KIAA1217: variants seen among roughly 807,000 people sequenced by gnomAD.
KIAA1217 encodes KIAA1217, also known as sickle tail protein homolog.
Under a neutral mutation model 163.9 loss-of-function variants are expected in KIAA1217, and 88 were observed. That is an observed-to-expected ratio of 0.54 (90% CI 0.45 to 0.64). The LOEUF (loss-of-function observed/expected upper bound fraction) is 0.64, where lower values mean the gene tolerates loss of function less well. Ranked by LOEUF, KIAA1217 falls within the 30% of genes least tolerant of loss-of-function variation. KIAA1217 has a pLI of 0.00. For missense variants in KIAA1217, 2,372 were observed against 2,475.0 expected (o/e 0.96, Z 0.88); for synonymous variants, 903 against 923.1 (o/e 0.98, Z 0.39).
chr10:24,066,820 T>A (rs893713713), intron 2 of KIAA1217, among the ~76,000 whole-genome samples: 4 of 152,214 alleles, frequency 2.6e-5, no homozygotes, highest in African/African-American at 7.2e-5. Flanking sequence ...AGTCCCATAT[T>A]TCTTGGAGGC....
intron 2 of KIAA1217, among the ~76,000 whole-genome samples, chr10:24,256,046 C>CAAAA (rs11358712): frequency 1.3e-5 from 1 of 79,098 alleles, no homozygotes; most frequent in African/African-American, 5.0e-5. Flanking sequence ...CTCAGATGAC[C>CAAAA]AAAAAAAAAA....
intron 2 of KIAA1217, among the ~76,000 whole-genome samples, chr10:24,092,329 C>T (rs1032880271): frequency 6.6e-6 from 1 of 151,772 alleles, no homozygotes; most frequent in African/African-American, 2.4e-5. Context: ...ATCCTACCAC[C>T]TCACCAAACT....
In KIAA1217 at chr10:24,520,655, T is replaced by TATATAC. The variant is rs1223530074; in HGVS notation, c.2308+407_2308+408insCATATA. The stretch of plus-strand genomic sequence containing the variant: ...AAAAAAAAAAAAAAAAAAAAAAATA[T>TATATAC]ATATATATATATATATATATACACA... On this transcript the variant is annotated intron_variant, in intron 11 of 20. Transcript: ENST00000376454. Among the ~76,000 whole-genome samples, 67 of 82,110 alleles carry TATATAC rather than the reference T, an allele frequency of 8.2e-4. 1 individual carries two copies. Among genetic ancestry groups the TATATAC allele is most frequent in the Non-Finnish European group, 1.2e-3 (58 of 46,498 alleles). 53.9% of individuals were successfully genotyped at this position (82,110 alleles called of 152,430 possible).
chr10:23,932,972 T>C (rs1249068919), intron 1 of KIAA1217, among the ~76,000 whole-genome samples: 4 of 152,226 alleles, frequency 2.6e-5, no homozygotes, highest in Admixed American at 2.0e-4. Context: ...GTAAATTGAA[T>C]ACCATAAGAA....
chr10:23,809,338 A>G (rs1836881349), intron 1 of KIAA1217, among the ~76,000 whole-genome samples: 1 of 152,034 alleles, frequency 6.6e-6, no homozygotes, highest in Non-Finnish European at 1.5e-5. Context: ...GAAAAACATT[A>G]AAGATATTAA....
At chr10:23,945,678 T>A (rs1421746929) in intron 1 of KIAA1217, among the ~76,000 whole-genome samples, 1 of 152,102 alleles carries the variant, frequency 6.6e-6, no homozygotes, top group Non-Finnish European at 1.5e-5. Flanking sequence ...GCAGGGGAGG[T>A]TTTTTAAATC....
chr10:24,161,576 A>G (rs1478031590), intron 2 of KIAA1217, among the ~76,000 whole-genome samples: 3 of 152,228 alleles, frequency 2.0e-5, no homozygotes, highest in Non-Finnish European at 4.4e-5. Context: ...TCCACACAGG[A>G]AAGTTGAGAA....
At chr10:23,819,975 A>T (rs1297515869) in intron 1 of KIAA1217, among the ~76,000 whole-genome samples, 1 of 152,176 alleles carries the variant, frequency 6.6e-6, no homozygotes, top group Non-Finnish European at 1.5e-5. Context: ...GATAGTGCCT[A>T]TTTCTTTTTA....
chr10:24,282,808 A>G (rs2078095242), intron 2 of KIAA1217, among the ~76,000 whole-genome samples: 1 of 136,398 alleles, frequency 7.3e-6, no homozygotes, highest in Non-Finnish European at 1.6e-5. Context: ...GTTCTTTGCT[A>G]CTGAGGTGTT....
intron 2 of KIAA1217, among the ~76,000 whole-genome samples, chr10:24,110,267 T>C (rs909025294): frequency 1.3e-5 from 2 of 152,028 alleles, no homozygotes; most frequent in Non-Finnish European, 2.9e-5. Flanking sequence ...ATCTTCAGAG[T>C]TCTCTCTTAT....
chr10:24,545,685 A>T (rs2075665507), intron 20 of KIAA1217, 142 bp from the exon 21 acceptor site: 1 of 1,463,514 alleles, frequency 6.8e-7, no homozygotes, highest in Non-Finnish European at 9.0e-7. Flanking sequence ...AGAGCACAAC[A>T]AGACTTAGCT....
At chr10:23,820,659 C>T (rs1837575260) in intron 1 of KIAA1217, among the ~76,000 whole-genome samples, 1 of 152,146 alleles carries the variant, frequency 6.6e-6, no homozygotes, top group African/African-American at 2.4e-5. Context: ...GCAAAGACAT[C>T]AGGCTGTGGA....
chr10:23,735,773 C>A (rs1838762083), intron 1 of KIAA1217, among the ~76,000 whole-genome samples: 1 of 152,054 alleles, frequency 6.6e-6, no homozygotes, highest in Non-Finnish European at 1.5e-5. Flanking sequence ...TATTTAAACA[C>A]CTTTATTGAG....
intron 2 of KIAA1217, among the ~76,000 whole-genome samples, chr10:24,360,353 C>A (rs540915818): frequency 6.6e-6 from 1 of 152,206 alleles, no homozygotes; most frequent in South Asian, 2.1e-4. Context: ...GAATTACTTT[C>A]AAGACTATTT....
At chr10:24,268,699 C>T (rs371815983) in intron 2 of KIAA1217, among the ~76,000 whole-genome samples, 1 of 90,460 alleles carries the variant, frequency 1.1e-5, no homozygotes, top group African/African-American at 4.9e-5. Context: ...CCCAGCCATC[C>T]CATTACTGGG....
intron 14 of KIAA1217, 86 bp downstream of exon 14, chr10:24,528,205 A>G: frequency 9.5e-7 from 1 of 1,049,346 alleles, no homozygotes; most frequent in Non-Finnish European, 1.4e-6. Context: ...CATACTCATC[A>G]ACAGAACCAA....
intron 5 of KIAA1217, among the ~76,000 whole-genome samples, chr10:24,444,858 G>A (rs536450796): frequency 9.9e-5 from 15 of 152,230 alleles, no homozygotes; most frequent in African/African-American, 3.1e-4. Context: ...GGCATTTGTG[G>A]CGTGTGTTTT....
intron 2 of KIAA1217, among the ~76,000 whole-genome samples, chr10:24,156,985 T>C (rs1253943923): frequency 1.3e-5 from 2 of 152,210 alleles, no homozygotes; most frequent in South Asian, 2.1e-4. Flanking sequence ...TTAAAGTACA[T>C]CTTAAGTACA....
At chr10:24,309,353 C>A (rs1033798250) in intron 2 of KIAA1217, among the ~76,000 whole-genome samples, 45 of 89,612 alleles carry the variant, frequency 5.0e-4, no homozygotes, top group African/African-American at 1.9e-3. Context: ...CGCGCGCGCA[C>A]ACACACACAC....
Sources: gnomAD v4.1 joint callset for allele counts (sites outside exome capture counted in the v4.1 genomes callset) on GRCh38, gnomAD v4.1.1 for gene constraint, MANE v1.5 for transcripts, NCBI Gene and HGNC (gene_info 2026-07-23, HGNC 2026-07-21) for gene names.